KLRD1: variants seen among roughly 807,000 people sequenced by gnomAD.
The protein encoded by KLRD1 is killer cell lectin like receptor D1.
Under a neutral mutation model 22.6 loss-of-function variants are expected in KLRD1, and 21 were observed. The observed-to-expected ratio is 0.93, with a 90% CI of 0.66 to 1.34. The LOEUF (loss-of-function observed/expected upper bound fraction) is 1.34. KLRD1 is among the 40% of genes most tolerant of loss of function. The pLI, the probability that KLRD1 is intolerant of heterozygous loss-of-function variation, is 0.00. For missense variants in KLRD1, 183 were observed against 208.6 expected (o/e 0.88, Z 0.76); for synonymous variants, 59 against 71.1 (o/e 0.83, Z 0.85).
rs1950305589 is a variant in KLRD1, at chr12:10,320,844, T to C, written c.*6051T>C. On this transcript the variant is annotated 3_prime_UTR_variant, in exon 6 of 6. Coordinates refer to ENST00000336164, the MANE Select transcript of KLRD1 (RefSeq NM_002262.5). ...ATCTATAAAGGTCAAATAATAGGGC[T>C]TCTAGGAAGCCCCAGGGTATTGTCC... 1 of 152,176 alleles carries C rather than the reference T, an allele frequency of 6.6e-6. No individual in the cohort carries two copies. Among genetic ancestry groups the C allele is most frequent in the Non-Finnish European group, 1.5e-5 (1 of 68,026 alleles). 9.4% of individuals were successfully genotyped at this position (152,176 alleles called of 1,614,324 possible).
intron 1 of KLRD1, among the ~76,000 whole-genome samples, chr12:10,268,422 A>G (rs540690677): frequency 1.5e-4 from 23 of 152,362 alleles, no homozygotes; most frequent in Admixed American, 2.6e-4. Context: ...AAAGATATCT[A>G]AGAAGAAATG....
At chr12:10,306,905 G>C (rs1425605058), upstream of KLRD1, among the ~76,000 whole-genome samples, 1 of 151,954 alleles carries the variant, frequency 6.6e-6, no homozygotes, top group Middle Eastern at 3.2e-3. Flanking sequence ...TTTACAAAAG[G>C]GTTTATCTAT....
chr12:10,281,528 G>T (rs967535448), intron 1 of KLRD1, among the ~76,000 whole-genome samples: 2 of 152,108 alleles, frequency 1.3e-5, no homozygotes, highest in African/African-American at 4.8e-5. Context: ...ACAAGTGCAG[G>T]TTCATTGCCC....
At chr12:10,260,945 A>C (rs912007197) in intron 1 of KLRD1, among the ~76,000 whole-genome samples, 9 of 130,184 alleles carry the variant, frequency 6.9e-5, no homozygotes, top group East Asian at 2.3e-4. Flanking sequence ...CCATCACAAA[A>C]AACAACAACA....
chr12:10,274,757 C>G (rs1359093610), intron 1 of KLRD1, among the ~76,000 whole-genome samples: 2 of 152,110 alleles, frequency 1.3e-5, no homozygotes, highest in African/African-American at 4.8e-5. Flanking sequence ...TCTTTTACAA[C>G]TCCATAAATT....
At chr12:10,308,228 A>T in intron 1 of KLRD1, 144 bp downstream of exon 1, 1 of 660,428 alleles carries the variant, frequency 1.5e-6, no homozygotes, top group Non-Finnish European at 2.7e-6. Flanking sequence ...CACTTTCCAC[A>T]TTCATTATAT....
intron 1 of KLRD1, among the ~76,000 whole-genome samples, chr12:10,250,606 C>T (rs1444119537): frequency 6.6e-6 from 1 of 151,926 alleles, no homozygotes; most frequent in Non-Finnish European, 1.5e-5. Flanking sequence ...TACAGGCTCC[C>T]GCCACCATGC....
intron 1 of KLRD1, among the ~76,000 whole-genome samples, chr12:10,282,607 G>T (rs1328991363): frequency 6.6e-6 from 1 of 152,078 alleles, no homozygotes; most frequent in Non-Finnish European, 1.5e-5. Flanking sequence ...TGTTTAAAAT[G>T]GTATGCCACT....
In KLRD1 at chr12:10,309,407, G is replaced by A; in HGVS notation, c.27G>A (p.Trp9Ter). Residue 9 changes from tryptophan to a stop codon, truncating the protein, a stop_gained, in exon 2 of 6, where the codon TGG becomes TGA. Coordinates refer to ENST00000336164, the MANE Select transcript of KLRD1 (RefSeq NM_002262.5). LOFTEE classifies it high-confidence loss of function. MAVFKTTL[W>*]RLISGTLGII... Reference sequence around the variant, plus strand: ...CTACAGTGTTTAAGACCACTCTGTGGAGGTTAATTTCTGGGACCTTAGGGA... The same window carrying A: ...CTACAGTGTTTAAGACCACTCTGTGAAGGTTAATTTCTGGGACCTTAGGGA... 1 of 1,513,724 alleles carries A rather than the reference G, an allele frequency of 6.6e-7. No homozygotes were observed. Among genetic ancestry groups the A allele is most frequent in the Non-Finnish European group, 9.2e-7 (1 of 1,088,266 alleles). 93.8% of individuals were successfully genotyped at this position (1,513,724 alleles called of 1,614,324 possible).
At chr12:10,251,587 C>T (rs950064779) in intron 1 of KLRD1, among the ~76,000 whole-genome samples, 1 of 152,012 alleles carries the variant, frequency 6.6e-6, no homozygotes, top group Non-Finnish European at 1.5e-5. Flanking sequence ...ATTTATTGTG[C>T]ACTTTATTTC....
Position 10,314,402 on chromosome 12 carries a change from A to G in KLRD1, c.420-271A>G, listed in dbSNP as rs948108689. Among the ~76,000 whole-genome samples, 4 of 152,202 alleles carry G rather than the reference A, an allele frequency of 2.6e-5. No homozygotes were observed. The East Asian group carries it at 7.7e-4, about 29-fold the overall frequency. On this transcript the variant is annotated intron_variant, in intron 5 of 5. Transcript: ENST00000336164. ...TACATCTTAAATAAAATAGAAGAAA[A>G]GCATATCACATATTTAAACCATTAA...
chr12:10,328,127 G>A lies in KLRD1; in HGVS notation c.*13334G>A, dbSNP rs1475797110. On this transcript the variant is annotated 3_prime_UTR_variant, in exon 6 of 6. Transcript: ENST00000336164. ...ACATATTGGCTTATAGTTTTCTTGTGGTATCTTTGACAAGCTTTGGTGTAA... is the reference window on the plus strand; with the variant it reads ...ACATATTGGCTTATAGTTTTCTTGTAGTATCTTTGACAAGCTTTGGTGTAA... The A allele has an allele frequency of 1.3e-5, 2 of 151,930 alleles. No individual in the cohort carries two copies. Among genetic ancestry groups the A allele is most frequent in the Non-Finnish European group, 2.9e-5 (2 of 67,960 alleles). The allele number at this position is 151,930 out of a possible 1,614,324, so 9.4% of individuals were successfully genotyped here.
intron 4 of KLRD1, among the ~76,000 whole-genome samples, chr12:10,313,023 T>A (rs1450872407): frequency 6.6e-6 from 1 of 151,928 alleles, no homozygotes; most frequent in Non-Finnish European, 1.5e-5. Flanking sequence ...AAACTTCTCC[T>A]GCTGCACGTG....
chr12:10,312,815 G>A (rs1449689759), intron 4 of KLRD1, among the ~76,000 whole-genome samples: 3 of 151,088 alleles, frequency 2.0e-5, no homozygotes, highest in African/African-American at 7.3e-5. Flanking sequence ...GTGAAACCAC[G>A]TCTCTACTAA....
chr12:10,289,745 TA>T (rs1949747738), intron 1 of KLRD1, among the ~76,000 whole-genome samples: 2 of 152,310 alleles, frequency 1.3e-5, no homozygotes, highest in East Asian at 3.9e-4. Flanking sequence ...AATGTTTGTG[TA>T]ATGTATCTGG....
chr12:10,312,419 C>T (rs1432400779), intron 4 of KLRD1, among the ~76,000 whole-genome samples: 3 of 150,602 alleles, frequency 2.0e-5, no homozygotes, highest in East Asian at 2.0e-4. Flanking sequence ...CGCTCTGTCG[C>T]CCAGGCTGGA....
rs534163202 is a variant in KLRD1, at chr12:10,249,526, A to G, written c.-101+23293A>G. 2.6e-5 allele frequency among the ~76,000 whole-genome samples: 4 copies of G among 152,292 alleles called. No homozygotes were observed. In the South Asian group the frequency reaches 8.3e-4, roughly 32 times the overall value. On this transcript the variant is annotated intron_variant, in intron 1 of 5. Transcript: ENST00000544747. The stretch of plus-strand genomic sequence containing the variant: ...ATAGTAAGTGACACAACTCAAACTA[A>G]TATCTTGCCTTCTCTGGTATCAAAC...
rs1328711561 is a variant in KLRD1 at position 10,320,765 on chromosome 12, C to T, written c.*5972C>T. 1 of 152,108 alleles carries T rather than the reference C, an allele frequency of 6.6e-6. No individual in the cohort carries two copies. The highest frequency in any genetic ancestry group is 2.4e-5 in the African/African-American group (1 of 41,414). 9.4% of individuals were successfully genotyped at this position (152,108 alleles called of 1,614,324 possible). On this transcript the variant is annotated 3_prime_UTR_variant, in exon 6 of 6. Transcript: ENST00000336164. ...GAAGGTGTGGGTGTGACTGAAATTT[C>T]CTGTAAATATCATAGAAAGAACACA...
chr12:10,319,445 C>T lies in KLRD1; in HGVS notation c.*4652C>T, dbSNP rs1950289970. The T allele has an allele frequency of 6.6e-6, 1 of 152,192 alleles. No individual in the cohort carries two copies. The allele number at this position is 152,192 out of a possible 1,614,324, so 9.4% of individuals were successfully genotyped here. On this transcript the variant is annotated 3_prime_UTR_variant, in exon 6 of 6. Transcript: ENST00000336164. ...ATACATGCCTTGGTGGAATTTCTTT[C>T]CACATTGTATCAAGGTTGCTCTGTG...
Sources: gnomAD v4.1 joint callset for allele counts (sites outside exome capture counted in the v4.1 genomes callset) on GRCh38, gnomAD v4.1.1 for gene constraint, MANE v1.5 for transcripts, NCBI Gene and HGNC (gene_info 2026-07-23, HGNC 2026-07-21) for gene names.